SRSF11: variants seen among roughly 807,000 people sequenced by gnomAD.
SRSF11 encodes serine and arginine rich splicing factor 11.
Under a neutral mutation model 56.0 loss-of-function variants are expected in SRSF11, and 9 were observed. The ratio of observed to expected loss-of-function variants is 0.16; its 90% CI spans 0.10 to 0.28. The LOEUF is 0.28. Ranked by LOEUF, SRSF11 falls within the 10% of genes least tolerant of loss-of-function variation. The probability of loss-of-function intolerance (pLI) is 1.00; values close to 1 mark genes in which losing one functional copy is unlikely to be tolerated. For synonymous variants in SRSF11, 222 were observed against 215.3 expected (o/e 1.03, Z -0.27); for missense variants, 421 against 600.7 (o/e 0.70, Z 3.13).
At chr1:70,236,391 C>T (rs139670529) in intron 5 of SRSF11, among the ~76,000 whole-genome samples, 94 of 143,364 alleles carry the variant, frequency 6.6e-4, no homozygotes, top group African/African-American at 2.3e-3. Flanking sequence ...AGTGCAGTGG[C>T]GCAAACTCAG....
In SRSF11 at chr1:70,211,621, C is replaced by T. The variant is rs556495199; in HGVS notation, c.-26+5841C>T. ...ATTTATACTCACAATTTGGTAAGTG[C>T]TAGTTTAGCTTTCAGAATACCTTCA... On this transcript the variant is annotated intron_variant, in intron 1 of 12. Transcript: ENST00000370950. Among the ~76,000 whole-genome samples, 4 of 152,222 alleles carry T rather than the reference C, an allele frequency of 2.6e-5. No homozygotes were observed. In the South Asian group the frequency reaches 6.2e-4, roughly 24 times the overall value.
chr1:70,239,649 G>A (rs1216531233), intron 7 of SRSF11, 129 bp downstream of exon 7: 2 of 618,996 alleles, frequency 3.2e-6, no homozygotes, highest in African/African-American at 3.8e-5. Context: ...GTTAGAATGT[G>A]TGAATGACTG....
In SRSF11 at chr1:70,221,476, C is replaced by G; in HGVS notation, c.-161C>G. ...CCCTCCCCCGCGGCGTGCGGCGGGG[C>G]GGAGAAACGGCGGCGGCGGCGGCGG... On this transcript the variant is annotated 5_prime_UTR_variant, in exon 1 of 12. Coordinates refer to ENST00000370949, the MANE Select transcript of SRSF11 (RefSeq NM_001350605.2). 1 of 1,065,798 alleles carries G rather than the reference C, an allele frequency of 9.4e-7. No homozygotes were observed. The highest frequency in any genetic ancestry group is 1.3e-6 in the Non-Finnish European group (1 of 745,066). The allele number at this position is 1,065,798 out of a possible 1,614,324, so 66.0% of individuals were successfully genotyped here. A position where few individuals can be genotyped will look rare whatever the true frequency, so the allele number is the denominator to read the frequency against.
intron 2 of SRSF11, chr1:70,230,429 A>G (rs1333808588): frequency 4.3e-6 from 5 of 1,173,720 alleles, no homozygotes; most frequent in East Asian, 1.3e-4. Context: ...CTTAATTGGT[A>G]AAACTAAGAT....
At chr1:70,213,738 C>T (rs1189110952) in intron 1 of SRSF11, among the ~76,000 whole-genome samples, 1 of 152,126 alleles carries the variant, frequency 6.6e-6, no homozygotes, top group Non-Finnish European at 1.5e-5. Context: ...ATCCTCATAA[C>T]AACCCCAATG....
rs571997309 is a variant in SRSF11, at chr1:70,232,457, A to G, written c.447+80A>G. On this transcript the variant is annotated intron_variant, in intron 3 of 11. Coordinates refer to ENST00000370949, the MANE Select transcript of SRSF11 (RefSeq NM_001350605.2). ...AAGCTAAACATATTTGAACTTTGTAAGTACTCATAAGATTCTAGTTCAGAT... is the reference window on the plus strand; with the variant it reads ...AAGCTAAACATATTTGAACTTTGTAGGTACTCATAAGATTCTAGTTCAGAT... 1.9e-5 allele frequency: 20 copies of G among 1,039,924 alleles called. No homozygotes were observed. The Admixed American group carries it at 4.6e-4, about 24-fold the overall frequency. The allele number at this position is 1,039,924 out of a possible 1,614,324, so 64.4% of individuals were successfully genotyped here.
chr1:70,241,268 A>G (rs914184263), intron 7 of SRSF11, among the ~76,000 whole-genome samples: 1 of 152,242 alleles, frequency 6.6e-6, no homozygotes, highest in African/African-American at 2.4e-5. Flanking sequence ...TCACGTCTCT[A>G]TTAAAAGCAC....
chr1:70,241,440 AT>A (rs1358161923), intron 7 of SRSF11, among the ~76,000 whole-genome samples: 1 of 152,292 alleles, frequency 6.6e-6, no homozygotes, highest in African/African-American at 2.4e-5. Flanking sequence ...CACCCACCTT[AT>A]CCCACTGTCT....
chr1:70,230,649 T>A, intron 2 of SRSF11: 4 of 1,255,898 alleles, frequency 3.2e-6, no homozygotes, highest in Non-Finnish European at 4.1e-6. Context: ...TTTTAAATTG[T>A]AGTTTTATTT....
At chr1:70,244,899 G>A in intron 8 of SRSF11, 84 bp downstream of exon 8, 2 of 1,379,638 alleles carry the variant, frequency 1.4e-6, no homozygotes, top group South Asian at 1.4e-5. Flanking sequence ...AGGTGGTTGG[G>A]GTGCGGGGCA....
intron 1 of SRSF11, among the ~76,000 whole-genome samples, chr1:70,222,460 T>G (rs1269481995): frequency 6.6e-6 from 1 of 152,262 alleles, no homozygotes; most frequent in Non-Finnish European, 1.5e-5. Context: ...CAGTTGTTCT[T>G]GAGAAGGATT....
In SRSF11 at chr1:70,232,380, A is replaced by G. The variant is rs770894313; in HGVS notation, c.447+3A>G. 2.5e-6 allele frequency: 4 copies of G among 1,606,092 alleles called. No individual in the cohort carries two copies. The highest frequency in any genetic ancestry group is 1.3e-5 in the African/African-American group (1 of 74,664). On this transcript the variant is annotated splice_donor_region_variant and intron_variant, in intron 3 of 11. Coordinates refer to ENST00000370949, the MANE Select transcript of SRSF11 (RefSeq NM_001350605.2). ...CTACTCCTAACCCACTTACCCAGGT[A>G]CTAGTTCTATTGAATTCTTAAAGGG...
Position 70,252,279 on chromosome 1 carries a change from A to C in SRSF11, c.*1474A>C, listed in dbSNP as rs564457291. 2 of 152,258 alleles carry C rather than the reference A, an allele frequency of 1.3e-5. No individual in the cohort carries two copies. Among genetic ancestry groups the C allele is most frequent in the African/African-American group, 4.8e-5 (2 of 41,564 alleles). The allele number at this position is 152,258 out of a possible 1,614,324, so 9.4% of individuals were successfully genotyped here. On this transcript the variant is annotated 3_prime_UTR_variant, in exon 12 of 12. Transcript: ENST00000370949. ...AAGCAATGAACTTTAGTATAAACAA[A>C]TCCCACCTATATCTAGCAAATTTAT...
upstream of SRSF11, among the ~76,000 whole-genome samples, chr1:70,218,109 C>T (rs757619641): frequency 1.3e-5 from 2 of 152,100 alleles, no homozygotes; most frequent in Non-Finnish European, 2.9e-5. Flanking sequence ...GCACTACAGG[C>T]GTCTGCTACC....
chr1:70,250,735 G>A lies in SRSF11; in HGVS notation c.1385G>A (p.Gly462Asp), dbSNP rs760489246. ...TKECSVEKGT[G>D]DSLRESKVNG... ...GAATGTTCTGTGGAAAAGGGAACTG[G>A]TGATTCACTAAGAGAATCCAAAGTG... Residue 462 changes from glycine to aspartate, a missense_variant, in exon 12 of 12, where the codon GGT becomes GAT. By Grantham distance (94) the Gly-to-Asp change is moderately conservative (BLOSUM62 -1). Around this residue, in one of 2 missense-constraint regions of SRSF11, gnomAD observed 253 missense variants for 305.8 expected, o/e 0.83. Coordinates refer to ENST00000370949, the MANE Select transcript of SRSF11 (RefSeq NM_001350605.2). 4 of 1,614,040 alleles carry A rather than the reference G, an allele frequency of 2.5e-6. No homozygotes were observed. The South Asian group carries it at 3.3e-5, about 13-fold the overall frequency.
In SRSF11 at chr1:70,221,403, G is replaced by T. The variant is rs372794079; in HGVS notation, c.-234G>T. On this transcript the variant is annotated 5_prime_UTR_variant, in exon 1 of 12. Coordinates refer to ENST00000370949, the MANE Select transcript of SRSF11 (RefSeq NM_001350605.2). The stretch of plus-strand genomic sequence containing the variant: ...CTAGTGTCGTGGTTGGAGGCGAGGT[G>T]GGGCGGCCGTTTGTTTTCTCGTGGT... 81 of 537,344 alleles carry T rather than the reference G, an allele frequency of 1.5e-4. No homozygotes were observed. The East Asian group carries it at 2.3e-3, about 15-fold the overall frequency. 33.3% of individuals were successfully genotyped at this position (537,344 alleles called of 1,614,324 possible).
At position 70,251,563 on chromosome 1, in the gene SRSF11, A is replaced by G. The variant is rs1677953147; in HGVS notation, c.*758A>G. 1 of 152,406 alleles carries G rather than the reference A, an allele frequency of 6.6e-6. No homozygotes were observed. Among genetic ancestry groups the G allele is most frequent in the Admixed American group, 6.5e-5 (1 of 15,274 alleles). 9.4% of individuals were successfully genotyped at this position (152,406 alleles called of 1,614,324 possible). A position where few individuals can be genotyped will look rare whatever the true frequency, so the allele number is the denominator to read the frequency against. On this transcript the variant is annotated 3_prime_UTR_variant, in exon 12 of 12. Coordinates refer to ENST00000370949, the MANE Select transcript of SRSF11 (RefSeq NM_001350605.2). Reference sequence around the variant, plus strand: ...TTCCTGAAGTAATAATTTATTCCACATCTACATCAGTGAAAGCTATCTACC... The same window carrying G: ...TTCCTGAAGTAATAATTTATTCCACGTCTACATCAGTGAAAGCTATCTACC...
intron 8 of SRSF11, 143 bp from the exon 9 acceptor site, chr1:70,246,675 T>C: frequency 2.1e-6 from 1 of 487,176 alleles, no homozygotes; most frequent in Non-Finnish European, 3.7e-6. Flanking sequence ...TAAAGTATTA[T>C]TTTTAAAACA....
At chr1:70,230,609 A>C in intron 2 of SRSF11, 1 of 1,285,854 alleles carries the variant, frequency 7.8e-7, no homozygotes, top group Non-Finnish European at 1.0e-6. Context: ...TGACGCATGA[A>C]AATTAACTGG....
Sources: allele counts gnomAD v4.1 joint callset (sites outside exome capture counted in the v4.1 genomes callset), GRCh38; gene constraint gnomAD v4.1.1; regional missense constraint gnomAD v4.1.1; transcripts MANE v1.5; gene names NCBI Gene and HGNC (gene_info 2026-07-23, HGNC 2026-07-21).